The following CTNNA2 variants were observed in gnomAD, a reference collection of about 807,000 sequenced individuals.
The protein encoded by CTNNA2 is catenin alpha 2, also known as catenin alpha-2.
Under a neutral mutation model 101.0 loss-of-function variants are expected in CTNNA2, and 42 were observed. The observed-to-expected ratio is 0.42, with a 90% CI of 0.32 to 0.54. The LOEUF (loss-of-function observed/expected upper bound fraction) is 0.54. Among genes scored for constraint, CTNNA2 ranks in the 20% least tolerant of loss-of-function variants. The probability of loss-of-function intolerance (pLI) is 0.14; values close to 1 mark genes in which losing one functional copy is unlikely to be tolerated. For missense variants in CTNNA2, 871 were observed against 1,223.1 expected (o/e 0.71, Z 4.29); for synonymous variants, 450 against 456.4 (o/e 0.99, Z 0.18).
intron 3 of CTNNA2, among the ~76,000 whole-genome samples, chr2:79,823,902 G>C (rs1012232696): frequency 1.3e-5 from 2 of 152,154 alleles, no homozygotes; most frequent in Non-Finnish European, 2.9e-5. Context: ...TGGAGAGATT[G>C]AAGAAGTGTG....
At chr2:80,423,416 A>C (rs907587962) in intron 9 of CTNNA2, among the ~76,000 whole-genome samples, 1 of 152,144 alleles carries the variant, frequency 6.6e-6, no homozygotes, top group African/African-American at 2.4e-5. Flanking sequence ...CTCAAAACTT[A>C]TATATTGAGT....
intron 1 of CTNNA2, among the ~76,000 whole-genome samples, chr2:79,562,363 A>G (rs1674834243): frequency 6.6e-6 from 1 of 152,038 alleles, no homozygotes; most frequent in African/African-American, 2.4e-5. Context: ...AACTACTATA[A>G]CATTTATGGT....
chr2:79,594,033 C>T lies in CTNNA2; in HGVS notation c.-5-57519C>T, dbSNP rs114983644. Among the ~76,000 whole-genome samples, 1,195 of 151,522 alleles carry T rather than the reference C, an allele frequency of 7.9e-3. 20 individuals are homozygous for T. Among genetic ancestry groups the T allele is most frequent in the African/African-American group, 0.027 (1,133 of 41,308 alleles). ...CCTCCCAACTAGCTGGGATTATAGG[C>T]GACCACCACCATGGCTGGCTAATTT... is the stretch of plus-strand genomic sequence containing the variant. On this transcript the variant is annotated intron_variant, in intron 1 of 18. Transcript: ENST00000402739.
At chr2:79,768,157 T>A (rs56901666) in intron 3 of CTNNA2, among the ~76,000 whole-genome samples, 9,347 of 151,686 alleles carry the variant, frequency 0.062, 330 homozygotes, top group Middle Eastern at 0.14. Context: ...TTGGTCTGAT[T>A]TTCCTTTCTT....
intron 13 of CTNNA2, among the ~76,000 whole-genome samples, chr2:80,581,361 A>T (rs1486962225): frequency 1.3e-5 from 2 of 152,194 alleles, no homozygotes; most frequent in East Asian, 3.9e-4. Context: ...ATAGAAGTAT[A>T]GGTGTAAATT....
At chr2:80,489,843 T>C (rs1686898713) in intron 9 of CTNNA2, among the ~76,000 whole-genome samples, 1 of 152,180 alleles carries the variant, frequency 6.6e-6, no homozygotes, top group Non-Finnish European at 1.5e-5. Flanking sequence ...CCTAGAGCCT[T>C]GCTCTGGCAG....
intron 3 of CTNNA2, among the ~76,000 whole-genome samples, chr2:79,780,660 G>T (rs1674353018): frequency 1.3e-5 from 2 of 152,182 alleles, no homozygotes; most frequent in Admixed American, 6.5e-5. Context: ...CCTAAGGAGG[G>T]TAAGGCATTA....
At chr2:80,236,689 C>T (rs547918508) in intron 7 of CTNNA2, among the ~76,000 whole-genome samples, 1 of 152,168 alleles carries the variant, frequency 6.6e-6, no homozygotes, top group Non-Finnish European at 1.5e-5. Flanking sequence ...TCTGTTTGCA[C>T]AAGTGAACTT....
chr2:80,053,431 C>T (rs1572953488), intron 7 of CTNNA2, among the ~76,000 whole-genome samples: 2 of 152,170 alleles, frequency 1.3e-5, no homozygotes, highest in Admixed American at 1.3e-4. Context: ...TTATCATTCC[C>T]GTTTTACAAA....
intron 7 of CTNNA2, among the ~76,000 whole-genome samples, chr2:80,260,324 G>A (rs1335616585): frequency 6.6e-6 from 1 of 152,188 alleles, no homozygotes; most frequent in Non-Finnish European, 1.5e-5. Flanking sequence ...CAGCTAAAGT[G>A]TATATTTTGT....
chr2:80,603,708 C>T (rs1171374722), intron 15 of CTNNA2: 2 of 167,038 alleles, frequency 1.2e-5, no homozygotes, highest in African/African-American at 4.8e-5. Flanking sequence ...AGTGATGATA[C>T]CTACTTTGTA....
chr2:80,585,396 T>C (rs1695895284), intron 14 of CTNNA2, among the ~76,000 whole-genome samples: 1 of 152,180 alleles, frequency 6.6e-6, no homozygotes, highest in Admixed American at 6.6e-5. Context: ...GATTAATATC[T>C]CTGATACCAC....
At chr2:80,226,938 T>A (rs1249477863) in intron 7 of CTNNA2, among the ~76,000 whole-genome samples, 1 of 152,104 alleles carries the variant, frequency 6.6e-6, no homozygotes, top group Non-Finnish European at 1.5e-5. Flanking sequence ...TAAAATCAAC[T>A]CTAGGTTCCT....
At chr2:79,887,013 C>T (rs536247149) in intron 6 of CTNNA2, among the ~76,000 whole-genome samples, 2 of 151,852 alleles carry the variant, frequency 1.3e-5, no homozygotes, top group East Asian at 2.0e-4. Flanking sequence ...CACATGGTTT[C>T]GCCATGTTGT....
rs1678209437 is a variant in CTNNA2 at position 80,317,157 on chromosome 2, T to C, written c.1057-76054T>C. On this transcript the variant is annotated intron_variant, in intron 7 of 18. Coordinates refer to ENST00000402739, the MANE Select transcript of CTNNA2 (RefSeq NM_001282597.3). ...AAAATGGCTAGTGTGCTCAAGTGAG[T>C]GAGACGGGGATGAAGAGATGGGAAG... 2.6e-5 allele frequency among the ~76,000 whole-genome samples: 4 copies of C among 152,128 alleles called. No individual in the cohort carries two copies. The South Asian group carries it at 6.2e-4, about 24-fold the overall frequency.
rs1404686118 is a variant in CTNNA2 at position 80,076,347 on chromosome 2, C to T, written c.1056+166550C>T. 4.6e-5 allele frequency among the ~76,000 whole-genome samples: 7 copies of T among 151,562 alleles called. No homozygotes were observed. In the South Asian group the frequency reaches 6.2e-4, roughly 14 times the overall value. ...AGGCTGGAGTACAGTGGTGCAATCA[C>T]GGTTCACTGTAGTCTTGATTGCCTG... On this transcript the variant is annotated intron_variant, in intron 7 of 18. Coordinates refer to ENST00000402739, the MANE Select transcript of CTNNA2 (RefSeq NM_001282597.3).
At chr2:80,429,873 G>T (rs1399324753) in intron 9 of CTNNA2, among the ~76,000 whole-genome samples, 1 of 152,132 alleles carries the variant, frequency 6.6e-6, no homozygotes, top group Non-Finnish European at 1.5e-5. Flanking sequence ...TGGAGTCCAA[G>T]GACATTTAGT....
rs1178657349 is a variant in CTNNA2 at position 80,200,009 on chromosome 2, A to G, written c.1057-193202A>G. Among the ~76,000 whole-genome samples the G allele has an allele frequency of 3.3e-5, 5 of 152,198 alleles. No individual in the cohort carries two copies. The East Asian group carries it at 5.8e-4, about 18-fold the overall frequency. The stretch of plus-strand genomic sequence containing the variant: ...TTTCTGACTTTCCTTAGATACAACC[A>G]GAAAGCTAACACACTTAGATACTTG... On this transcript the variant is annotated intron_variant, in intron 7 of 18. Coordinates refer to ENST00000402739, the MANE Select transcript of CTNNA2 (RefSeq NM_001282597.3).
intron 7 of CTNNA2, among the ~76,000 whole-genome samples, chr2:80,337,078 G>A (rs1402581410): frequency 6.6e-6 from 1 of 152,082 alleles, no homozygotes; most frequent in Non-Finnish European, 1.5e-5. Context: ...AGACAGAGCT[G>A]GGCACGGTGG....
Sources: gnomAD v4.1 joint callset for allele counts (sites outside exome capture counted in the v4.1 genomes callset) on GRCh38, gnomAD v4.1.1 for gene constraint, MANE v1.5 for transcripts, NCBI Gene and HGNC (gene_info 2026-07-23, HGNC 2026-07-21) for gene names.